The following DPP6 variants were observed in gnomAD, a reference collection of about 807,000 sequenced individuals.
The protein encoded by DPP6 is dipeptidyl peptidase like 6, also known as A-type potassium channel modulatory protein DPP6.
DPP6 carries 69 observed loss-of-function variants against 122.6 expected under a neutral mutation model. The observed-to-expected ratio is 0.56, with a 90% confidence interval of 0.46 to 0.69. The LOEUF (loss-of-function observed/expected upper bound fraction) is 0.69, where lower values mean the gene tolerates loss of function less well. Ranked by LOEUF, DPP6 falls within the 30% of genes least tolerant of loss-of-function variation. The pLI is 0.00. For synonymous variants in DPP6, 418 were observed against 433.1 expected, an observed-to-expected ratio of 0.97 and a Z score of 0.43; for missense variants, 928 against 1,116.9, an observed-to-expected ratio of 0.83 and a Z score of 2.41.
chr7:154,406,789 CA>C (rs1816154006), intron 1 of DPP6, among the ~76,000 whole-genome samples: 3 of 152,148 alleles, frequency 2.0e-5, no homozygotes, highest in Middle Eastern at 3.2e-3. Context: ...TGCAAAACAC[CA>C]TTCTGTTTTA....
chr7:154,782,359 C>T (rs978157408), intron 10 of DPP6, among the ~76,000 whole-genome samples: 2 of 152,178 alleles, frequency 1.3e-5, no homozygotes, highest in African/African-American at 4.8e-5. Flanking sequence ...TATCAAAATG[C>T]TTCAATATCT....
the DPP6 span, among the ~76,000 whole-genome samples, chr7:153,772,939 TTTATATA>T: frequency 7.1e-6 from 1 of 141,548 alleles, no homozygotes; most frequent in African/African-American, 2.6e-5. Context: ...AGAAAAGACT[TTTATATA>T]TTATATAATA....
chr7:154,060,062 C>T (rs369145138), intron 1 of DPP6, among the ~76,000 whole-genome samples: 1 of 149,386 alleles, frequency 6.7e-6, no homozygotes, highest in Non-Finnish European at 1.5e-5. Context: ...ACCCCTCTTC[C>T]CCCCCTGGCT....
Position 154,893,050 on chromosome 7 carries a change from T to C in DPP6, c.*570T>C. On this transcript the variant is annotated 3_prime_UTR_variant, in exon 26 of 26. Transcript: ENST00000377770. ...TTTCTGTACAGAGTCTTACTGTAGC[T>C]ACGCTAATGGTTAACCTGATAGAAT... The C allele has an allele frequency of 2.2e-6, 1 of 458,630 alleles. No individual in the cohort carries two copies. Among genetic ancestry groups the C allele is most frequent in the East Asian group, 5.6e-5 (1 of 17,748 alleles). 28.4% of individuals were successfully genotyped at this position (458,630 alleles called of 1,614,324 possible). A position where few individuals can be genotyped will look rare whatever the true frequency, so the allele number is the denominator to read the frequency against.
chr7:154,538,486 A>G (rs74409717), intron 3 of DPP6, among the ~76,000 whole-genome samples: 203 of 152,136 alleles, frequency 1.3e-3, no homozygotes, highest in African/African-American at 4.8e-3. Flanking sequence ...AACAATCATT[A>G]TGTTTCATGG....
chr7:154,397,142 A>G (rs939868511), intron 1 of DPP6, among the ~76,000 whole-genome samples: 6 of 150,158 alleles, frequency 4.0e-5, no homozygotes, highest in Non-Finnish European at 8.9e-5. Context: ...AATTTATAAT[A>G]TAAATTAGAT....
chr7:154,051,005 G>C (rs2129061435), upstream of DPP6, among the ~76,000 whole-genome samples: 1 of 141,358 alleles, frequency 7.1e-6, no homozygotes, highest in Non-Finnish European at 1.6e-5. Flanking sequence ...CCCGCAGTTA[G>C]GGAAACAGAG....
chr7:154,472,383 C>A (rs1284611374), intron 2 of DPP6, among the ~76,000 whole-genome samples: 4 of 152,270 alleles, frequency 2.6e-5, no homozygotes, highest in South Asian at 4.1e-4. Context: ...CCCTTATGAG[C>A]CTTCCTAGCT....
intron 2 of DPP6, among the ~76,000 whole-genome samples, chr7:154,467,147 G>A (rs911018501): frequency 2.0e-5 from 3 of 152,152 alleles, no homozygotes; most frequent in Admixed American, 6.5e-5. Context: ...TATAGGCTTG[G>A]GAATAGTATC....
intron 1 of DPP6, among the ~76,000 whole-genome samples, chr7:154,221,129 C>G (rs1800279656): frequency 1.3e-5 from 2 of 152,158 alleles, no homozygotes; most frequent in South Asian, 2.1e-4. Flanking sequence ...TCACTCTGGC[C>G]ATTAGGTTTC....
intron 1 of DPP6, among the ~76,000 whole-genome samples, chr7:154,408,818 G>T (rs1221794753): frequency 2.0e-5 from 3 of 149,976 alleles, no homozygotes; most frequent in Non-Finnish European, 4.4e-5. Context: ...ACATTTTTAT[G>T]GATTGAATTG....
chr7:154,311,234 T>G (rs770785187), intron 1 of DPP6, among the ~76,000 whole-genome samples: 1 of 152,292 alleles, frequency 6.6e-6, no homozygotes, highest in East Asian at 1.9e-4. Flanking sequence ...GTGCAGTGGC[T>G]CATACCTGCA....
At chr7:154,791,116 G>A (rs1797648236) in intron 10 of DPP6, among the ~76,000 whole-genome samples, 2 of 152,108 alleles carry the variant, frequency 1.3e-5, no homozygotes, top group Non-Finnish European at 2.9e-5. Flanking sequence ...GCCAGGCATG[G>A]TGGCAGACAT....
At chr7:154,072,723 G>C (rs368919743) in intron 1 of DPP6, among the ~76,000 whole-genome samples, 26 of 152,380 alleles carry the variant, frequency 1.7e-4, no homozygotes, top group African/African-American at 6.3e-4. Context: ...AAATAGCCTG[G>C]AACCTGTGCC....
intron 1 of DPP6, among the ~76,000 whole-genome samples, chr7:154,430,210 GACAGCACTAAGGC>G (rs1211113670): frequency 1.3e-5 from 2 of 152,194 alleles, no homozygotes; most frequent in Non-Finnish European, 2.9e-5. Flanking sequence ...CCTGTGAGTA[GACAGCACTAAGGC>G]ACGGGGTTAG....
intron 5 of DPP6, among the ~76,000 whole-genome samples, chr7:154,592,015 C>T (rs1049215865): frequency 3.3e-5 from 5 of 152,302 alleles, no homozygotes; most frequent in South Asian, 2.1e-4. Flanking sequence ...GTGCCACCTG[C>T]GTAGGAAGAC....
chr7:154,754,774 C>A (rs949812038), intron 8 of DPP6, among the ~76,000 whole-genome samples: 6 of 152,170 alleles, frequency 3.9e-5, no homozygotes, highest in Non-Finnish European at 5.9e-5. Context: ...GGCACATATA[C>A]ACCATGGAAT....
At chr7:154,378,630 C>T (rs760524970) in intron 1 of DPP6, among the ~76,000 whole-genome samples, 2 of 152,192 alleles carry the variant, frequency 1.3e-5, no homozygotes. Flanking sequence ...CTCATAAGGA[C>T]ACTAATCTCA....
At chr7:154,568,028 T>C (rs1006843027) in intron 5 of DPP6, among the ~76,000 whole-genome samples, 5 of 152,254 alleles carry the variant, frequency 3.3e-5, no homozygotes, top group Non-Finnish European at 5.9e-5. Flanking sequence ...ATAAAGGTTT[T>C]CATTTTTTCC....
Sources: gnomAD v4.1 joint callset for allele counts (sites outside exome capture counted in the v4.1 genomes callset) on GRCh38, gnomAD v4.1.1 for gene constraint, MANE v1.5 for transcripts, NCBI Gene and HGNC (gene_info 2026-07-23, HGNC 2026-07-21) for gene names.